NVL: variants seen among roughly 807,000 people sequenced by gnomAD.
The protein encoded by NVL is nuclear valosin-containing protein-like.
NVL carries 84 observed loss-of-function variants against 110.2 expected under a neutral mutation model. The observed-to-expected ratio is 0.76, with a 90% CI of 0.64 to 0.91. The LOEUF (loss-of-function observed/expected upper bound fraction) is 0.91. NVL is among the 40% of genes least tolerant of loss of function. The pLI is 0.00. For synonymous variants in NVL, 354 were observed against 361.1 expected, an observed-to-expected ratio of 0.98 and a Z score of 0.22; for missense variants, 882 against 1,035.9, an observed-to-expected ratio of 0.85 and a Z score of 2.04.
intron 4 of NVL, 92 bp downstream of exon 4, chr1:224,317,602 T>G: frequency 1.3e-6 from 1 of 751,480 alleles, no homozygotes; most frequent in Non-Finnish European, 2.3e-6. Context: ...CAGGGCTTTG[T>G]TGGCAATGAA....
intron 19 of NVL, among the ~76,000 whole-genome samples, chr1:224,247,760 C>T (rs1258564797): frequency 1.3e-5 from 2 of 152,136 alleles, no homozygotes; most frequent in Non-Finnish European, 2.9e-5. Context: ...ATCCTCCTGT[C>T]TCAGCCTCCC....
At chr1:224,304,863 C>T (rs1668766564) in intron 7 of NVL, 51 bp from the exon 8 acceptor site, 1 of 1,514,218 alleles carries the variant, frequency 6.6e-7, no homozygotes, top group South Asian at 1.1e-5. Flanking sequence ...AGTAGTAACT[C>T]ATAATTATAA....
intron 19 of NVL, among the ~76,000 whole-genome samples, chr1:224,238,292 C>T (rs552843513): frequency 1.3e-5 from 2 of 152,234 alleles, no homozygotes; most frequent in South Asian, 2.1e-4. Flanking sequence ...CTTGGCCACC[C>T]GAAGTGCTGA....
chr1:224,299,160 T>C (rs1668159805), intron 10 of NVL, among the ~76,000 whole-genome samples: 1 of 152,086 alleles, frequency 6.6e-6, no homozygotes, highest in Non-Finnish European at 1.5e-5. Context: ...GCTAGCTGGA[T>C]CTCTTCCCTA....
rs145421710 is a variant in NVL, at chr1:224,323,447, G to A, written c.131+2944C>T. On this transcript the variant is annotated intron_variant, in intron 2 of 22. Transcript: ENST00000281701. ...TGGGGGGACAACAATTTGCTAAAGC[G>A]ATTACCAGCATATGACTTATGGATC... 5.5e-3 allele frequency among the ~76,000 whole-genome samples: 832 copies of A among 152,282 alleles called. 7 individuals are homozygous for A. Among genetic ancestry groups the A allele is most frequent in the Non-Finnish European group, 7.6e-3 (516 of 68,026 alleles).
At chr1:224,312,819 TAAAAAAAAAAAAAAAACTATTTAAATA>T (rs1669657036) in intron 4 of NVL, 1 of 65,410 alleles carries the variant, frequency 1.5e-5, no homozygotes, top group African/African-American at 5.7e-5. Flanking sequence ...AGACTCTGCC[TAAAAAAAAAAAAAAAACTATTTAAATA>T]AGAAAAAAAA....
chr1:224,326,439 T>C lies in NVL; in HGVS notation c.83A>G (p.Lys28Arg). 2 of 1,612,462 alleles carry C rather than the reference T, an allele frequency of 1.2e-6. No homozygotes were observed. The highest frequency in any genetic ancestry group is 2.7e-5 in the African/African-American group (2 of 75,028). The stretch of plus-strand genomic sequence containing the variant: ...CGCTAAGACTCCAATGTCCACATAT[T>C]TGCCACATTTGTTACTGGTAAGGTA... ...IQYLTSNKCG[K>R]YVDIGVLASD... Residue 28 changes from lysine to arginine, a missense_variant, in exon 2 of 23, where the codon AAA becomes AGA. Physicochemically the swap from Lys to Arg is conservative, Grantham distance 26 (BLOSUM62 2). Around this residue, in one of 4 missense-constraint regions of NVL, gnomAD observed 274 missense variants for 268.4 expected, o/e 1.02. Coordinates refer to ENST00000281701, the MANE Select transcript of NVL (RefSeq NM_002533.4).
At chr1:224,325,434 TAA>T (rs765287623) in intron 2 of NVL, among the ~76,000 whole-genome samples, 9 of 134,242 alleles carry the variant, frequency 6.7e-5, no homozygotes, top group East Asian at 2.1e-4. Context: ...AAACTGTATT[TAA>T]AAAAAAAAAA....
chr1:224,259,093 A>ATT, intron 18 of NVL, among the ~76,000 whole-genome samples: 1 of 144,104 alleles, frequency 6.9e-6, no homozygotes, highest in Non-Finnish European at 1.5e-5. Flanking sequence ...GGTGATGAAC[A>ATT]TTTTTTTTTT....
At chr1:224,323,155 C>T (rs1026310440) in intron 2 of NVL, among the ~76,000 whole-genome samples, 1 of 152,078 alleles carries the variant, frequency 6.6e-6, no homozygotes, top group Non-Finnish European at 1.5e-5. Flanking sequence ...GTCCATGTTA[C>T]GAAGTGGCAG....
chr1:224,246,182 C>T (rs1661800936), intron 19 of NVL, among the ~76,000 whole-genome samples: 1 of 152,140 alleles, frequency 6.6e-6, no homozygotes, highest in Non-Finnish European at 1.5e-5. Context: ...AGGAGCACAC[C>T]ATCACACCCA....
intron 19 of NVL, among the ~76,000 whole-genome samples, chr1:224,242,826 GTTTT>G (rs35271187): frequency 8.0e-6 from 1 of 124,622 alleles, no homozygotes. Context: ...ATTAATGCTT[GTTTT>G]TTTTTTTTTT....
At chr1:224,314,967 C>A (rs1159747994) in intron 4 of NVL, among the ~76,000 whole-genome samples, 4 of 151,802 alleles carry the variant, frequency 2.6e-5, no homozygotes. Flanking sequence ...GCTGAGATCA[C>A]GCTATTGCAC....
intron 2 of NVL, among the ~76,000 whole-genome samples, chr1:224,320,663 T>A (rs997298335): frequency 6.6e-6 from 1 of 151,854 alleles, no homozygotes; most frequent in African/African-American, 2.4e-5. Flanking sequence ...AAAAAAAACT[T>A]TATGTTTTTG....
At chr1:224,308,799 C>T (rs113031513) in intron 5 of NVL, among the ~76,000 whole-genome samples, 3,325 of 151,366 alleles carry the variant, frequency 0.022, 54 homozygotes, top group Non-Finnish European at 0.035. Flanking sequence ...CAGTGGCTCA[C>T]GCCTGTAATC....
chr1:224,250,235 C>T lies in NVL; in HGVS notation c.2266G>A (p.Ala756Thr), dbSNP rs1571827435. The change falls in exon 19 of 23, where the codon GCC becomes ACC. Residue 756 changes from alanine (A) to threonine (T), a missense_variant. Around this residue, in one of 4 missense-constraint regions of NVL, gnomAD observed 126 missense variants for 140.7 expected, o/e 0.90. Transcript: ENST00000281701. ...ACTTTTGTGATAGTTTTTAAGATGG[C>T]AAGGCGATCTGCAGGGGGCGGTAAA... ...VGLPPPADRL[A>T]ILKTITKNGT... 6.2e-7 allele frequency: 1 copy of T among 1,609,964 alleles called. No homozygotes were observed.
chr1:224,269,716 G>A (rs891355173), intron 17 of NVL: 1 of 151,784 alleles, frequency 6.6e-6, no homozygotes, highest in Non-Finnish European at 1.5e-5. Context: ...ATGTACAGAG[G>A]TGGTAATGGG....
chr1:224,303,558 AAATT>A, intron 9 of NVL, among the ~76,000 whole-genome samples, 161 bp downstream of exon 9: 1 of 152,346 alleles, frequency 6.6e-6, no homozygotes, highest in East Asian at 1.9e-4. Context: ...CTAAATGAAT[AAATT>A]CCACAAATAA....
chr1:224,310,233 T>C (rs1019285390), intron 5 of NVL, among the ~76,000 whole-genome samples: 3 of 151,836 alleles, frequency 2.0e-5, no homozygotes, highest in Admixed American at 1.3e-4. Context: ...TTACATCTCA[T>C]TTACATTGTA....
Sources: gnomAD v4.1 joint callset for allele counts (sites outside exome capture counted in the v4.1 genomes callset) on GRCh38, gnomAD v4.1.1 for gene constraint, gnomAD v4.1.1 regional missense constraint, MANE v1.5 for transcripts, NCBI Gene and HGNC (gene_info 2026-07-23, HGNC 2026-07-21) for gene names.